The following NCALD variants were observed in gnomAD, a reference collection of about 807,000 sequenced individuals.
NCALD encodes neurocalcin-delta.
Under a neutral mutation model 18.6 loss-of-function variants are expected in NCALD, and 10 were observed. The observed-to-expected ratio is 0.54, with a 90% CI of 0.33 to 0.91. The LOEUF (loss-of-function observed/expected upper bound fraction) is 0.91. NCALD is among the 40% of genes least tolerant of loss of function. NCALD has a pLI of 0.03. For synonymous variants in NCALD, 88 were observed against 87.4 expected (o/e 1.01, Z -0.04); for missense variants, 184 against 247.6 (o/e 0.74, Z 1.72).
rs563282150 is a variant in NCALD at position 102,083,888 on chromosome 8, CTA to C, written c.-210+40347_-210+40348del. Among the ~76,000 whole-genome samples the C allele has an allele frequency of 5.3e-3, 800 of 152,324 alleles. 7 individuals carry two copies. The highest frequency in any genetic ancestry group is 0.018 in the African/African-American group (732 of 41,578). On this transcript the variant is annotated intron_variant, in intron 1 of 6. Transcript: ENST00000311028. ...CAATACAGTATTTACATTGTTACGA[CTA>C]TGATTCCAGACAGCTTTGACCAAAT... is the stretch of plus-strand genomic sequence containing the variant.
At chr8:101,937,833 T>C (rs1380460400) in intron 2 of NCALD, among the ~76,000 whole-genome samples, 1 of 152,060 alleles carries the variant, frequency 6.6e-6, no homozygotes, top group African/African-American at 2.4e-5. Flanking sequence ...AATAAACAAA[T>C]GAATCAGCCA....
intron 1 of NCALD, among the ~76,000 whole-genome samples, chr8:102,073,514 A>G (rs1024408003): frequency 7.4e-5 from 11 of 147,926 alleles, no homozygotes; most frequent in Admixed American, 7.4e-4. Flanking sequence ...GCAGAATTAC[A>G]GTAAAAATAT....
chr8:101,984,966 A>T (rs1480597176), intron 2 of NCALD, among the ~76,000 whole-genome samples: 1 of 152,152 alleles, frequency 6.6e-6, no homozygotes, highest in African/African-American at 2.4e-5. Context: ...CCAGCCCTTT[A>T]AGTAGCCTGT....
rs548132989 is a variant in NCALD at position 101,999,556 on chromosome 8, T to C, written c.-157+20681A>G. 5.3e-5 allele frequency among the ~76,000 whole-genome samples: 8 copies of C among 152,226 alleles called. No individual in the cohort carries two copies. In the East Asian group the frequency reaches 1.5e-3, roughly 29 times the overall value. On this transcript the variant is annotated intron_variant, in intron 2 of 6. Coordinates refer to the NCALD transcript ENST00000311028. ...AGGTGAGGAATAAAAGACTACACCT[T>C]GGGTACAGTGTACACTGCTTGGGTG...
intron 1 of NCALD, among the ~76,000 whole-genome samples, chr8:101,748,782 C>A (rs1426978503): frequency 1.3e-5 from 2 of 152,178 alleles, no homozygotes; most frequent in Admixed American, 6.5e-5. Context: ...GGGCCATAAC[C>A]ACAGAACTCT....
At position 101,745,840 on chromosome 8, in the gene NCALD, C is replaced by G. The variant is rs926876215; in HGVS notation, c.-19-26192G>C. The G allele has an allele frequency of 2.6e-5, 4 of 152,200 alleles. No homozygotes were observed. The East Asian group carries it at 7.7e-4, about 29-fold the overall frequency. 9.4% of individuals were successfully genotyped at this position (152,200 alleles called of 1,614,324 possible). ...AGAGAGTATCACTCACCTCACTTCA[C>G]AGATGAGGACACTGAGGTTTAGGGA... On this transcript the variant is annotated intron_variant, in intron 1 of 3. Transcript: ENST00000220931.
intron 4 of NCALD, among the ~76,000 whole-genome samples, chr8:101,809,922 A>T (rs1242385949): frequency 6.6e-6 from 1 of 152,152 alleles, no homozygotes; most frequent in African/African-American, 2.4e-5. Flanking sequence ...GTACATTTAT[A>T]AATCTGACTT....
chr8:101,750,893 C>T (rs891589202), intron 1 of NCALD, among the ~76,000 whole-genome samples: 1 of 152,140 alleles, frequency 6.6e-6, no homozygotes, highest in East Asian at 1.9e-4. Flanking sequence ...TGATGACATG[C>T]CTTCTGCAGA....
chr8:101,993,224 C>T (rs1056549033), intron 2 of NCALD, among the ~76,000 whole-genome samples: 5 of 151,710 alleles, frequency 3.3e-5, no homozygotes, highest in African/African-American at 9.7e-5. Flanking sequence ...TACCTACTGC[C>T]GCCACTTTTT....
intron 1 of NCALD, among the ~76,000 whole-genome samples, chr8:102,102,074 A>G (rs7846523): frequency 0.06 from 9,104 of 152,252 alleles, 301 homozygotes; most frequent in South Asian, 0.092. Context: ...TGTTTTTCTT[A>G]TTATTGCTAT....
chr8:101,927,044 T>TGGTGGCACTC (rs1818360712), intron 2 of NCALD, among the ~76,000 whole-genome samples: 1 of 152,154 alleles, frequency 6.6e-6, no homozygotes, highest in African/African-American at 2.4e-5. Flanking sequence ...CGTGGCTTCC[T>TGGTGGCACTC]CCTTCACTCT....
chr8:101,719,763 C>T (rs973990939), intron 1 of NCALD, 115 bp from the exon 2 acceptor site: 15 of 964,256 alleles, frequency 1.6e-5, no homozygotes, highest in East Asian at 2.7e-5. Context: ...AAACTCTATA[C>T]GAGTCCAGTA....
upstream of NCALD, among the ~76,000 whole-genome samples, chr8:101,791,691 G>A (rs2131023396): frequency 6.6e-6 from 1 of 152,250 alleles, no homozygotes; most frequent in East Asian, 1.9e-4. Context: ...GACCGAAGGA[G>A]TTTCAAAACA....
intron 1 of NCALD, among the ~76,000 whole-genome samples, chr8:102,051,327 A>G (rs1290264138): frequency 6.6e-6 from 1 of 152,150 alleles, no homozygotes; most frequent in Non-Finnish European, 1.5e-5. Context: ...CTAGAGTGCC[A>G]TAGGGAGGAT....
At chr8:102,071,329 T>C (rs1587015744) in intron 1 of NCALD, among the ~76,000 whole-genome samples, 1 of 152,198 alleles carries the variant, frequency 6.6e-6, no homozygotes, top group East Asian at 1.9e-4. Flanking sequence ...TCACTGATCA[T>C]ATACAATAGC....
chr8:101,850,029 T>A (rs1358621173), intron 4 of NCALD, among the ~76,000 whole-genome samples: 1 of 152,220 alleles, frequency 6.6e-6, no homozygotes, highest in Non-Finnish European at 1.5e-5. Flanking sequence ...CATTCCCTTG[T>A]CACATCTGAA....
intron 1 of NCALD, among the ~76,000 whole-genome samples, chr8:102,038,573 C>T (rs1822948650): frequency 6.6e-6 from 1 of 152,152 alleles, no homozygotes; most frequent in African/African-American, 2.4e-5. Context: ...CCCTAAGTGG[C>T]AGGGCTCCAG....
chr8:101,938,698 T>C (rs1818850516), intron 2 of NCALD, among the ~76,000 whole-genome samples: 1 of 151,816 alleles, frequency 6.6e-6, no homozygotes, highest in Non-Finnish European at 1.5e-5. Flanking sequence ...ATGCAACAAA[T>C]AATTTCATCC....
chr8:102,016,761 C>A (rs1272338308), intron 2 of NCALD, among the ~76,000 whole-genome samples: 1 of 152,138 alleles, frequency 6.6e-6, no homozygotes, highest in African/African-American at 2.4e-5. Flanking sequence ...ACTTTATTAT[C>A]TACTGCTCTT....
Sources: gnomAD v4.1 joint callset for allele counts (sites outside exome capture counted in the v4.1 genomes callset) on GRCh38, gnomAD v4.1.1 for gene constraint, MANE v1.5 for transcripts, NCBI Gene and HGNC (gene_info 2026-07-23, HGNC 2026-07-21) for gene names.